Variants in NPR3 observed in about 807,000 individuals in gnomAD.
The protein encoded by NPR3 is atrial natriuretic peptide receptor 3.
NPR3 carries 34 observed loss-of-function variants against 54.5 expected under a neutral mutation model. The observed-to-expected ratio is 0.62, with a 90% CI of 0.47 to 0.83. The LOEUF (loss-of-function observed/expected upper bound fraction) is 0.83, where lower values mean the gene tolerates loss of function less well. Among genes scored for constraint, NPR3 ranks in the 40% least tolerant of loss-of-function variants. NPR3 has a pLI of 0.00. For synonymous variants in NPR3, 289 were observed against 297.1 expected (o/e 0.97, Z 0.28); for missense variants, 674 against 720.8 (o/e 0.94, Z 0.74).
intron 3 of NPR3, among the ~76,000 whole-genome samples, chr5:32,760,353 T>C (rs991191192): frequency 6.6e-6 from 1 of 152,178 alleles, no homozygotes. Context: ...ACAACCTCAT[T>C]TACACTTGGT....
At chr5:32,755,477 G>A (rs774736142) in intron 3 of NPR3, among the ~76,000 whole-genome samples, 53 of 152,176 alleles carry the variant, frequency 3.5e-4, no homozygotes, top group Non-Finnish European at 5.7e-4. Flanking sequence ...CACTCCGTGA[G>A]CTCCTTCTCT....
At chr5:32,743,284 C>G (rs1740126813) in intron 3 of NPR3, among the ~76,000 whole-genome samples, 1 of 152,120 alleles carries the variant, frequency 6.6e-6, no homozygotes, top group Admixed American at 6.5e-5. Context: ...TTCCCAGTTT[C>G]CCGCAATGGT....
At chr5:32,711,301 G>A (rs1738208217), upstream of NPR3, 2 of 976,648 alleles carry the variant, frequency 2.0e-6, no homozygotes, top group East Asian at 2.4e-4. Context: ...ATTTAAACGC[G>A]GGCTATGGAT....
At chr5:32,708,016 AC>A (rs1347728928), upstream of NPR3, among the ~76,000 whole-genome samples, 166 of 129,802 alleles carry the variant, frequency 1.3e-3, 2 homozygotes, top group South Asian at 0.012. Context: ...AAAAAAAAAA[AC>A]AACCCAAACA....
intron 3 of NPR3, among the ~76,000 whole-genome samples, chr5:32,739,346 C>T (rs957455123): frequency 1.3e-5 from 2 of 151,984 alleles, no homozygotes; most frequent in African/African-American, 4.8e-5. Context: ...CTGTAGACTT[C>T]CATCACGTAT....
intron 4 of NPR3, among the ~76,000 whole-genome samples, chr5:32,776,277 A>G (rs571900356): frequency 6.6e-6 from 1 of 152,326 alleles, no homozygotes; most frequent in African/African-American, 2.4e-5. Context: ...ATATTTTTCT[A>G]CTGTATGGCT....
At chr5:32,700,617 A>G (rs991332854) in intron 1 of NPR3, among the ~76,000 whole-genome samples, 7 of 151,550 alleles carry the variant, frequency 4.6e-5, no homozygotes, top group African/African-American at 9.7e-5. Context: ...TCATTGTTCA[A>G]TTCCCACCTA....
Position 32,727,026 on chromosome 5 carries a change from C to T in NPR3, c.892+2206C>T, listed in dbSNP as rs142108308. On this transcript the variant is annotated intron_variant, in intron 2 of 7. Transcript: ENST00000265074. ...AACAATGCTGTGTTGAGTGTACATA[C>T]GCACATACACTTTCTCTCTCACATA... 3.2e-4 allele frequency among the ~76,000 whole-genome samples: 49 copies of T among 152,298 alleles called. No homozygotes were observed. In the East Asian group the frequency reaches 5.0e-3, roughly 16 times the overall value.
intron 1 of NPR3, among the ~76,000 whole-genome samples, chr5:32,701,610 A>G (rs1193070654): frequency 6.6e-6 from 1 of 152,152 alleles, no homozygotes; most frequent in Non-Finnish European, 1.5e-5. Context: ...TTAGGCATCT[A>G]TTGTAGTCTT....
intron 3 of NPR3, among the ~76,000 whole-genome samples, chr5:32,759,056 G>A: frequency 6.6e-6 from 1 of 152,210 alleles, no homozygotes; most frequent in Non-Finnish European, 1.5e-5. Context: ...GGTGTGGTGT[G>A]GTGCTGAGAA....
chr5:32,698,994 A>G (rs1360758666), intron 1 of NPR3, among the ~76,000 whole-genome samples: 1 of 152,262 alleles, frequency 6.6e-6, no homozygotes, highest in East Asian at 1.9e-4. Flanking sequence ...ATAAGTAAGG[A>G]CTTAACTCCT....
chr5:32,712,056 C>A lies in NPR3; in HGVS notation c.280C>A (p.Pro94Thr). ...CAACGGGACTGGGAGGCGGCTTCTGCCGCCGGGCACTCGCTTCCAGGTGGC... is the reference window on the plus strand; with the variant it reads ...CAACGGGACTGGGAGGCGGCTTCTGACGCCGGGCACTCGCTTCCAGGTGGC... ...EGNGTGRRLL[P>T]PGTRFQVAYE... Residue 94 changes from proline (P) to threonine (T), a missense_variant, in exon 1 of 8, where the codon CCG becomes ACG. Transcript: ENST00000265074. 6.2e-7 allele frequency: 1 copy of A among 1,613,838 alleles called. No homozygotes were observed. Among genetic ancestry groups the A allele is most frequent in the Non-Finnish European group, 8.5e-7 (1 of 1,179,810 alleles).
At chr5:32,753,617 C>T (rs1015200402) in intron 3 of NPR3, among the ~76,000 whole-genome samples, 6 of 141,094 alleles carry the variant, frequency 4.3e-5, no homozygotes, top group African/African-American at 1.6e-4. Flanking sequence ...CTCAGGGTCT[C>T]AGCATCCTTT....
chr5:32,715,581 A>G (rs1314791884), intron 1 of NPR3, among the ~76,000 whole-genome samples: 1 of 152,228 alleles, frequency 6.6e-6, no homozygotes, highest in Admixed American at 6.5e-5. Flanking sequence ...ACTAAAATAA[A>G]CAGACCTGAG....
At chr5:32,748,042 T>C (rs1473441988) in intron 3 of NPR3, among the ~76,000 whole-genome samples, 1 of 152,162 alleles carries the variant, frequency 6.6e-6, no homozygotes, top group Admixed American at 6.5e-5. Context: ...GTATGAGCCA[T>C]CATGCCCGGC....
intron 1 of NPR3, among the ~76,000 whole-genome samples, chr5:32,717,648 G>T (rs1002018328): frequency 2.6e-5 from 4 of 152,174 alleles, no homozygotes; most frequent in Non-Finnish European, 5.9e-5. Flanking sequence ...CTGCATAAAT[G>T]TCTTCCTTTG....
Position 32,724,820 on chromosome 5 carries a change from G to C in NPR3, c.892G>C (p.Gly298Arg), listed in dbSNP as rs1373952039. ...NIELFNSSSY[G>R]DGSWKRGDKH... ...TGAGCTCTTCAACAGCTCTTCCTAT[G>C]GTAACTCTGCTTCCACTTTCCCCTC... Residue 298 changes from glycine (G) to arginine (R), a missense_variant and splice_region_variant, in exon 2 of 8, where the codon GGA (glycine) becomes CGA (arginine). Physicochemically the swap from Gly to Arg is moderately radical, Grantham distance 125. Coordinates refer to ENST00000265074, the MANE Select transcript of NPR3 (RefSeq NM_001204375.2). The C allele has an allele frequency of 6.2e-7, 1 of 1,613,752 alleles. No homozygotes were observed. The highest frequency in any genetic ancestry group is 1.1e-5 in the South Asian group (1 of 91,068).
intron 2 of NPR3, among the ~76,000 whole-genome samples, chr5:32,732,662 G>A (rs892476216): frequency 6.6e-6 from 1 of 152,082 alleles, no homozygotes; most frequent in Non-Finnish European, 1.5e-5. Context: ...CTAGACCAAG[G>A]TTCTGCTATA....
intron 2 of NPR3, 88 bp from the exon 3 acceptor site, chr5:32,738,776 A>G: frequency 1.7e-6 from 2 of 1,188,702 alleles, no homozygotes; most frequent in South Asian, 1.4e-5. Context: ...CAAAAGTAAC[A>G]TGCGGGGGCG....
Sources: allele counts gnomAD v4.1 joint callset (sites outside exome capture counted in the v4.1 genomes callset), GRCh38; gene constraint gnomAD v4.1.1; transcripts MANE v1.5; gene names NCBI Gene and HGNC (gene_info 2026-07-23, HGNC 2026-07-21).